The following AKAP6 variants were observed in gnomAD, a reference collection of about 807,000 sequenced individuals.
AKAP6 encodes the protein A-kinase anchoring protein 6, also known as A-kinase anchor protein 6.
In AKAP6, 58 loss-of-function variants were observed where a neutral mutation model predicts 188.5. That is an observed-to-expected ratio of 0.31 (90% CI 0.25 to 0.38). AKAP6 has a LOEUF of 0.38. Among genes scored for constraint, AKAP6 ranks in the 10% least tolerant of loss-of-function variants. The pLI is 1.00. For missense variants in AKAP6, 2,710 were observed against 2,740.0 expected (o/e 0.99, Z 0.24); for synonymous variants, 989 against 998.6 (o/e 0.99, Z 0.18).
chr14:32,373,008 A>G (rs1322549722), intron 1 of AKAP6, among the ~76,000 whole-genome samples: 1 of 152,020 alleles, frequency 6.6e-6, no homozygotes, highest in Non-Finnish European at 1.5e-5. Context: ...AATCCTTGGT[A>G]GAAATTTTGA....
intron 2 of AKAP6, among the ~76,000 whole-genome samples, chr14:32,439,697 T>C (rs575773937): frequency 9.7e-4 from 148 of 152,258 alleles, no homozygotes; most frequent in Non-Finnish European, 1.6e-3. Context: ...GGTTGATTCA[T>C]GGGCATATCT....
intron 1 of AKAP6, among the ~76,000 whole-genome samples, chr14:32,348,162 C>A (rs1887129456): frequency 1.3e-5 from 2 of 152,084 alleles, no homozygotes; most frequent in Non-Finnish European, 2.9e-5. Context: ...TCAAGGTGGG[C>A]CAGACCAGAA....
chr14:32,551,500 A>T, intron 4 of AKAP6, among the ~76,000 whole-genome samples: 1 of 123,576 alleles, frequency 8.1e-6, no homozygotes, highest in Non-Finnish European at 1.7e-5. Flanking sequence ...TGAACCCGGG[A>T]GGTGGAGGTT....
rs1433659482 is a variant in AKAP6 at position 32,354,167 on chromosome 14, A to G, written c.-35+24759A>G. Among the ~76,000 whole-genome samples the G allele has an allele frequency of 2.0e-5, 3 of 152,108 alleles. No homozygotes were observed. The East Asian group carries it at 5.8e-4, about 29-fold the overall frequency. On this transcript the variant is annotated intron_variant, in intron 1 of 13. Coordinates refer to ENST00000280979, the MANE Select transcript of AKAP6 (RefSeq NM_004274.5). ...CATTGCCAAGTCAATCCTAAGCCAA[A>G]AGAACAAAGCTGGAGGCATCATGCT...
chr14:32,770,581 A>G (rs1439798909), intron 11 of AKAP6, among the ~76,000 whole-genome samples: 1 of 152,100 alleles, frequency 6.6e-6, no homozygotes, highest in Non-Finnish European at 1.5e-5. Context: ...CCAACACACC[A>G]GGCACTCCCA....
intron 7 of AKAP6, among the ~76,000 whole-genome samples, chr14:32,650,684 A>G (rs924314746): frequency 6.6e-6 from 1 of 152,162 alleles, no homozygotes; most frequent in Non-Finnish European, 1.5e-5. Flanking sequence ...AAAGAAAAGT[A>G]AACCAATGAC....
At chr14:32,516,670 A>G (rs1594699482) in intron 2 of AKAP6, among the ~76,000 whole-genome samples, 2 of 152,224 alleles carry the variant, frequency 1.3e-5, no homozygotes, top group African/African-American at 4.8e-5. Context: ...AAGAAAGGAA[A>G]TACGGATATA....
chr14:32,401,109 C>CT (rs1174935503), intron 1 of AKAP6, among the ~76,000 whole-genome samples: 3 of 152,156 alleles, frequency 2.0e-5, no homozygotes, highest in African/African-American at 7.2e-5. Flanking sequence ...TCACAGGCCT[C>CT]TTACCTTCCT....
At chr14:32,577,086 C>T in intron 4 of AKAP6, 34 bp from the exon 5 acceptor site, 13 of 1,588,260 alleles carry the variant, frequency 8.2e-6, no homozygotes, top group Non-Finnish European at 1.1e-5. Flanking sequence ...GCCTTTCTTG[C>T]CCCTTTTTTT....
intron 1 of AKAP6, among the ~76,000 whole-genome samples, chr14:32,411,409 A>G (rs1889478475): frequency 6.6e-6 from 1 of 152,186 alleles, no homozygotes; most frequent in Non-Finnish European, 1.5e-5. Context: ...TAAACATTTA[A>G]TAAGCATATG....
At chr14:32,612,960 A>G (rs949749737) in intron 7 of AKAP6, among the ~76,000 whole-genome samples, 2 of 152,238 alleles carry the variant, frequency 1.3e-5, no homozygotes, top group African/African-American at 4.8e-5. Context: ...TCATACCACT[A>G]TTTGAATCGC....
chr14:32,617,414 AC>A (rs1193812460), intron 7 of AKAP6, among the ~76,000 whole-genome samples: 1 of 151,480 alleles, frequency 6.6e-6, no homozygotes, highest in Non-Finnish European at 1.5e-5. Context: ...CATTTATAGC[AC>A]TTATCACATT....
intron 1 of AKAP6, among the ~76,000 whole-genome samples, chr14:32,416,533 A>G (rs1043162769): frequency 2.0e-5 from 3 of 152,104 alleles, no homozygotes; most frequent in Non-Finnish European, 4.4e-5. Context: ...TAAAACTTTC[A>G]TAAAGTCCAA....
At chr14:32,786,464 C>T (rs2033423060) in intron 12 of AKAP6, among the ~76,000 whole-genome samples, 1 of 146,098 alleles carries the variant, frequency 6.8e-6, no homozygotes, top group African/African-American at 2.5e-5. Context: ...CCCACCACCA[C>T]GCCCGGCTAA....
intron 11 of AKAP6, among the ~76,000 whole-genome samples, chr14:32,758,801 C>T (rs2032437390): frequency 6.6e-6 from 1 of 152,094 alleles, no homozygotes; most frequent in Non-Finnish European, 1.5e-5. Context: ...TATAGAAATG[C>T]TTATTAATAC....
intron 9 of AKAP6, among the ~76,000 whole-genome samples, chr14:32,709,308 CACA>C (rs1239129027): frequency 6.9e-6 from 1 of 145,502 alleles, no homozygotes; most frequent in Non-Finnish European, 1.5e-5. Context: ...AGCATTGGAG[CACA>C]ACGATTTTTT....
intron 2 of AKAP6, among the ~76,000 whole-genome samples, chr14:32,446,188 T>C (rs755748290): frequency 2.0e-5 from 3 of 152,210 alleles, no homozygotes; most frequent in Non-Finnish European, 4.4e-5. Context: ...AAATGTAGGA[T>C]TTGTATAAGT....
intron 11 of AKAP6, among the ~76,000 whole-genome samples, chr14:32,772,226 C>T (rs1471641980): frequency 6.6e-6 from 1 of 152,086 alleles, no homozygotes; most frequent in Non-Finnish European, 1.5e-5. Context: ...GGGATTTCTC[C>T]TCATTCAGCA....
chr14:32,458,417 A>T (rs1891216063), intron 2 of AKAP6, among the ~76,000 whole-genome samples: 1 of 152,116 alleles, frequency 6.6e-6, no homozygotes, highest in South Asian at 2.1e-4. Flanking sequence ...TTTGCAGATG[A>T]CAGAAGCTGT....
Sources: allele counts gnomAD v4.1 joint callset (sites outside exome capture counted in the v4.1 genomes callset), GRCh38; gene constraint gnomAD v4.1.1; transcripts MANE v1.5; gene names NCBI Gene and HGNC (gene_info 2026-07-23, HGNC 2026-07-21).